RASGRF1: variants seen among roughly 807,000 people sequenced by gnomAD.
The protein encoded by RASGRF1 is ras-specific guanine nucleotide-releasing factor 1.
A neutral mutation model predicts 138.7 loss-of-function variants in RASGRF1; 40 were observed. That is an observed-to-expected ratio of 0.29 (90% CI 0.22 to 0.38). The LOEUF (loss-of-function observed/expected upper bound fraction) is 0.38, where lower values mean the gene tolerates loss of function less well. RASGRF1 is among the 10% of genes least tolerant of loss of function. RASGRF1 has a pLI of 1.00. For synonymous variants in RASGRF1, 614 were observed against 663.2 expected (o/e 0.93, Z 1.14); for missense variants, 1,108 against 1,650.4 (o/e 0.67, Z 5.69).
rs542155874 is a variant in RASGRF1 at position 78,987,418 on chromosome 15, C to T, written c.3217-2214G>A. Among the ~76,000 whole-genome samples, 84 of 152,230 alleles carry T rather than the reference C, an allele frequency of 5.5e-4. 2 individuals are homozygous for T. The Middle Eastern group carries it at 0.01, about 18-fold the overall frequency. On this transcript the variant is annotated intron_variant, in intron 22 of 26. Transcript: ENST00000558480. ...TCTCCTTTAAAACCAAGAAGGTGGC[C>T]GAGTGCAGTGGCTCACACCTGTAAT... is the stretch of plus-strand genomic sequence containing the variant.
At position 79,015,170 on chromosome 15, in the gene RASGRF1, AAAAC is replaced by A. The variant is rs564308255; in HGVS notation, c.1826+153_1826+156del. On this transcript the variant is annotated intron_variant, in intron 13 of 26. Coordinates refer to ENST00000558480, the MANE Select transcript of RASGRF1 (RefSeq NM_001145648.3). The stretch of plus-strand genomic sequence containing the variant: ...CATCCAAATAGCAATCACCCAACTC[AAAAC>A]AAACAAACAAGAAAACATCCAAAAC... Among the ~76,000 whole-genome samples, 15 of 152,240 alleles carry A rather than the reference AAAAC, an allele frequency of 9.9e-5. No homozygotes were observed. In the South Asian group the frequency reaches 1.9e-3, roughly 19 times the overall value.
At chr15:79,033,929 T>C (rs930743852) in intron 6 of RASGRF1, among the ~76,000 whole-genome samples, 2 of 152,234 alleles carry the variant, frequency 1.3e-5, no homozygotes, top group African/African-American at 2.4e-5. Context: ...AAAGGAAACA[T>C]GGTTTCCTTG....
intron 1 of RASGRF1, among the ~76,000 whole-genome samples, chr15:79,077,589 G>A (rs948615688): frequency 2.6e-5 from 4 of 152,132 alleles, no homozygotes; most frequent in African/African-American, 7.2e-5. Context: ...TAACCAGAAC[G>A]GTCACAGCCA....
chr15:79,073,782 C>T lies in RASGRF1; in HGVS notation c.277-9256G>A, dbSNP rs1341414396. On this transcript the variant is annotated intron_variant, in intron 1 of 26. Transcript: ENST00000558480. This position sits in a 1 kb window ranked among gnomAD's most constrained non-coding sequence, Gnocchi z 4.2. ...CAAGAATGTCCCACCACCCTTACTG[C>T]CATGAGAGTCCTTAAAGTCACTGGA... is the stretch of plus-strand genomic sequence containing the variant. 6.6e-6 allele frequency among the ~76,000 whole-genome samples: 1 copy of T among 152,216 alleles called. No individual in the cohort carries two copies. Among genetic ancestry groups the T allele is most frequent in the African/African-American group, 2.4e-5 (1 of 41,444 alleles).
At chr15:79,008,919 G>A (rs1324839024) in intron 13 of RASGRF1, among the ~76,000 whole-genome samples, 1 of 152,174 alleles carries the variant, frequency 6.6e-6, no homozygotes, top group East Asian at 1.9e-4. Context: ...CAGGTCTCTT[G>A]CCTGAGTCTC....
At chr15:79,039,611 A>C (rs1482371418) in intron 5 of RASGRF1, among the ~76,000 whole-genome samples, 4 of 152,160 alleles carry the variant, frequency 2.6e-5, no homozygotes, top group Non-Finnish European at 4.4e-5. Flanking sequence ...TCTTTACGAC[A>C]CACATCTTTT....
At chr15:79,089,463 C>T (rs903647730) in intron 1 of RASGRF1, among the ~76,000 whole-genome samples, 3 of 152,254 alleles carry the variant, frequency 2.0e-5, no homozygotes, top group Non-Finnish European at 4.4e-5. Context: ...GAAACCAGAG[C>T]GCAGCGCTAT....
chr15:79,044,583 G>T (rs188117260), intron 5 of RASGRF1, among the ~76,000 whole-genome samples: 51 of 152,300 alleles, frequency 3.3e-4, no homozygotes, highest in African/African-American at 1.2e-3. Flanking sequence ...CCTAATCATT[G>T]CTGGGGCCCA....
chr15:79,031,036 C>G (rs1025924791), intron 8 of RASGRF1, among the ~76,000 whole-genome samples: 1 of 152,238 alleles, frequency 6.6e-6, no homozygotes, highest in Non-Finnish European at 1.5e-5. Flanking sequence ...GCCTGTCACC[C>G]AGGACCCCCT....
chr15:78,980,844 C>T (rs2056010941), intron 23 of RASGRF1, 145 bp from the exon 24 acceptor site: 4 of 539,558 alleles, frequency 7.4e-6, no homozygotes, highest in Non-Finnish European at 1.3e-5. Flanking sequence ...TGTGTTTGGG[C>T]ACCTTGCCCC....
At chr15:79,003,740 C>T in intron 15 of RASGRF1, 62 bp downstream of exon 15, 3 of 1,524,316 alleles carry the variant, frequency 2.0e-6, no homozygotes, top group Non-Finnish European at 2.6e-6. Flanking sequence ...CCTTGCTGGG[C>T]CAGGCTGAGC....
At chr15:79,043,507 C>T (rs1807103552) in intron 5 of RASGRF1, among the ~76,000 whole-genome samples, 1 of 152,182 alleles carries the variant, frequency 6.6e-6, no homozygotes, top group African/African-American at 2.4e-5. Context: ...AGGCAGGTAC[C>T]ATTCCTGGGG....
Position 78,989,158 on chromosome 15 carries a change from C to G in RASGRF1, c.3216+1031G>C, listed in dbSNP as rs1820439571. Among the ~76,000 whole-genome samples the G allele has an allele frequency of 2.0e-5, 3 of 152,174 alleles. No individual in the cohort carries two copies. The South Asian group carries it at 6.2e-4, about 32-fold the overall frequency. ...AGAAGGCTCTGGGACCTGTCTGCCC[C>G]CCAGTTCTCTGCTGCTCCCATGTTT... On this transcript the variant is annotated intron_variant, in intron 22 of 26. Coordinates refer to ENST00000558480, the MANE Select transcript of RASGRF1 (RefSeq NM_001145648.3).
At chr15:79,028,444 G>A (rs777576995) in intron 8 of RASGRF1, among the ~76,000 whole-genome samples, 14 of 152,268 alleles carry the variant, frequency 9.2e-5, no homozygotes, top group Non-Finnish European at 1.6e-4. Context: ...GGGGATGACT[G>A]ACCTTAGCCT....
At chr15:79,088,669 G>A (rs2058013476) in intron 1 of RASGRF1, among the ~76,000 whole-genome samples, 1 of 152,192 alleles carries the variant, frequency 6.6e-6, no homozygotes, top group Non-Finnish European at 1.5e-5. Flanking sequence ...CTGGGGCTGG[G>A]GCTTGGGCTG....
At chr15:79,062,074 G>C (rs1037734249) in intron 2 of RASGRF1, among the ~76,000 whole-genome samples, 1 of 152,102 alleles carries the variant, frequency 6.6e-6, no homozygotes, top group Non-Finnish European at 1.5e-5. Context: ...ACTATTGTCT[G>C]TCTTAAGCAT....
rs2057997756 is a variant in RASGRF1, at chr15:79,087,546, T to TCTCAACTCAGGCACTCTGTACATGCCC, written c.276+2650_276+2676dup. On this transcript the variant is annotated intron_variant, in intron 1 of 26. Coordinates refer to ENST00000558480, the MANE Select transcript of RASGRF1 (RefSeq NM_001145648.3). ...TTAAACAGATGGCTTCGTAGACGCCTCTCAACTCAGGCACTCTGTACATGC... is the reference window on the plus strand; with the variant it reads ...TTAAACAGATGGCTTCGTAGACGCCTCTCAACTCAGGCACTCTGTACATGCCCCTCAACTCAGGCACTCTGTACATGC... Among the ~76,000 whole-genome samples, 13 of 152,214 alleles carry TCTCAACTCAGGCACTCTGTACATGCCC rather than the reference T, an allele frequency of 8.5e-5. 1 individual carries two copies. The highest frequency in any genetic ancestry group is 8.5e-4 in the Admixed American group (13 of 15,286).
chr15:79,044,882 G>T (rs1724704554), intron 5 of RASGRF1, among the ~76,000 whole-genome samples: 1 of 152,096 alleles, frequency 6.6e-6, no homozygotes. Context: ...CAAATGCTGT[G>T]AGCTGGCATG....
chr15:78,999,646 C>T (rs1006176610), intron 17 of RASGRF1, 97 bp downstream of exon 17: 12 of 1,456,042 alleles, frequency 8.2e-6, no homozygotes, highest in Admixed American at 1.8e-5. Flanking sequence ...ACCTTAAACA[C>T]CCACAGCAGA....
Sources: gnomAD v4.1 joint callset for allele counts (sites outside exome capture counted in the v4.1 genomes callset) on GRCh38, gnomAD v4.1.1 for gene constraint, Gnocchi (gnomAD v3.1) non-coding constraint, MANE v1.5 for transcripts, NCBI Gene and HGNC (gene_info 2026-07-23, HGNC 2026-07-21) for gene names.